Variants in SETD2 observed in about 807,000 individuals in gnomAD.
SETD2 encodes the protein histone-lysine N-methyltransferase SETD2.
Under a neutral mutation model 242.1 loss-of-function variants are expected in SETD2, and 31 were observed. The ratio of observed to expected loss-of-function variants is 0.13; its 90% confidence interval spans 0.10 to 0.17. SETD2 has a LOEUF of 0.17. Ranked by LOEUF, SETD2 falls within the 10% of genes least tolerant of loss-of-function variation. The pLI is 1.00. For missense variants in SETD2, 2,481 were observed against 3,046.3 expected (o/e 0.81, Z 4.37); for synonymous variants, 1,006 against 1,066.5 (o/e 0.94, Z 1.11).
rs563966793 is a variant in SETD2, at chr3:47,140,925, T to C, written c.72-14262A>G. On this transcript the variant is annotated intron_variant, in intron 1 of 20. Coordinates refer to ENST00000409792, the MANE Select transcript of SETD2 (RefSeq NM_014159.7). ...ATCGAATACGAAGAAAGACATGAGA[T>C]AGGTTTCTGAGGGAGATGGCTTGTT... 6.6e-5 allele frequency among the ~76,000 whole-genome samples: 10 copies of C among 152,070 alleles called. No individual in the cohort carries two copies. The East Asian group carries it at 1.9e-3, about 29-fold the overall frequency.
chr3:47,125,944 C>T (rs1256050515), intron 2 of SETD2, among the ~76,000 whole-genome samples: 1 of 152,216 alleles, frequency 6.6e-6, no homozygotes, highest in African/African-American at 2.4e-5. Context: ...ACAGTAAAAT[C>T]TGAAATCAGT....
chr3:47,123,473 C>T lies in SETD2; in HGVS notation c.1163G>A (p.Arg388Gln), dbSNP rs1450528900. ...FSYSKLERDT[R>Q]YVSSRCRSER... ...TGATCTACATCGGGAAGATACATAC[C>T]GAGTATCTCTTTCAAGTTTTGAATA... is the stretch of plus-strand genomic sequence containing the variant. Residue 388 changes from arginine to glutamine, a missense_variant, in exon 3 of 21, where the codon CGG becomes CAG. Arg to Gln is a conservative substitution (Grantham distance 43, BLOSUM62 1). Coordinates refer to ENST00000409792, the MANE Select transcript of SETD2 (RefSeq NM_014159.7). The T allele has an allele frequency of 6.4e-7, 1 of 1,551,080 alleles. No individual in the cohort carries two copies. Among genetic ancestry groups the T allele is most frequent in the East Asian group, 2.4e-5 (1 of 40,918 alleles).
chr3:47,152,271 A>T (rs1418653044), intron 1 of SETD2, among the ~76,000 whole-genome samples: 2 of 152,122 alleles, frequency 1.3e-5, no homozygotes, highest in Non-Finnish European at 2.9e-5. Flanking sequence ...TCTTAACTAC[A>T]TTTTCAGCAC....
At chr3:47,046,238 G>A (rs753907133) in intron 16 of SETD2, among the ~76,000 whole-genome samples, 12 of 151,732 alleles carry the variant, frequency 7.9e-5, no homozygotes, top group Non-Finnish European at 1.5e-4. Context: ...TCAGGTGGCT[G>A]AGGCAGGAGA....
At chr3:47,159,632 T>A (rs1304247901) in intron 1 of SETD2, among the ~76,000 whole-genome samples, 1 of 152,226 alleles carries the variant, frequency 6.6e-6, no homozygotes, top group Non-Finnish European at 1.5e-5. Context: ...GTCACTCTTC[T>A]GTTCAAAACT....
intron 18 of SETD2, among the ~76,000 whole-genome samples, chr3:47,035,438 G>A (rs2038955346): frequency 6.6e-6 from 1 of 152,184 alleles, no homozygotes; most frequent in Non-Finnish European, 1.5e-5. Context: ...TAATTGTGTA[G>A]CATGGCACAT....
chr3:47,104,906 T>C (rs2042350355), intron 6 of SETD2, among the ~76,000 whole-genome samples: 1 of 152,146 alleles, frequency 6.6e-6, no homozygotes, highest in African/African-American at 2.4e-5. Context: ...CAGCTGTAAC[T>C]AGATGCATGC....
At chr3:47,027,386 G>GAAC in intron 18 of SETD2, among the ~76,000 whole-genome samples, 1 of 150,652 alleles carries the variant, frequency 6.6e-6, no homozygotes, top group South Asian at 2.1e-4. Flanking sequence ...ACAGGAAGGG[G>GAAC]AACATCACAC....
In SETD2 at chr3:47,121,302, A is replaced by G. The variant is rs1487228978; in HGVS notation, c.3334T>C (p.Leu1112=). 7 of 1,612,764 alleles carry G rather than the reference A, an allele frequency of 4.3e-6. No individual in the cohort carries two copies. The South Asian group carries it at 7.7e-5, about 18-fold the overall frequency. Residue 1112 remains leucine (L), a synonymous_variant, in exon 3 of 21, where the codon TTG becomes CTG. Coordinates refer to ENST00000409792, the MANE Select transcript of SETD2 (RefSeq NM_014159.7). ...EDERLESRRH[L]YEEKFESIAS... ...ATACTTTCAAATTTTTCCTCATACAAATGTCTCCTTGACTCCAATCTCTCA... is the reference window on the plus strand; with the variant it reads ...ATACTTTCAAATTTTTCCTCATACAGATGTCTCCTTGACTCCAATCTCTCA...
At chr3:47,028,758 A>T (rs1362617965) in intron 18 of SETD2, 1 of 152,360 alleles carries the variant, frequency 6.6e-6, no homozygotes, top group Non-Finnish European at 1.5e-5. Flanking sequence ...CTACTGGGCC[A>T]AAGGGACAGA....
At chr3:47,051,506 C>A (rs2039843543) in intron 15 of SETD2, among the ~76,000 whole-genome samples, 2 of 152,264 alleles carry the variant, frequency 1.3e-5, no homozygotes, top group Non-Finnish European at 2.9e-5. Flanking sequence ...TCTAACTGCT[C>A]CAGTGGATTT....
chr3:47,043,917 T>C (rs1439081786), intron 16 of SETD2, among the ~76,000 whole-genome samples: 1 of 152,182 alleles, frequency 6.6e-6, no homozygotes, highest in Non-Finnish European at 1.5e-5. Context: ...TTCCAAACCA[T>C]TCAGTACTTA....
intron 12 of SETD2, among the ~76,000 whole-genome samples, chr3:47,071,780 C>CCTA (rs1306486873): frequency 6.6e-6 from 1 of 152,048 alleles, no homozygotes; most frequent in African/African-American, 2.4e-5. Flanking sequence ...GAACAAGTTA[C>CCTA]CTACTACTAC....
chr3:47,062,936 C>T (rs2040401670), intron 13 of SETD2, among the ~76,000 whole-genome samples: 1 of 151,580 alleles, frequency 6.6e-6, no homozygotes, highest in Non-Finnish European at 1.5e-5. Context: ...GAAGCAAGAC[C>T]CCATCTCTTA....
rs764219907 is a variant in SETD2, at chr3:47,122,607, G to A, written c.2029C>T (p.Pro677Ser). The part of the protein sequence containing the change: ...CPIELNINGS[P>S]GAESDLATFC... ...GTTGCCAAATCAGATTCTGCCCCAG[G>A]AGATCCATTTATATTTAATTCTATG... Residue 677 changes from proline to serine, a missense_variant, in exon 3 of 21, where the codon CCT (proline) becomes TCT (serine). Transcript: ENST00000409792. 10 of 1,613,976 alleles carry A rather than the reference G, an allele frequency of 6.2e-6. No homozygotes were observed. Among genetic ancestry groups the A allele is most frequent in the Non-Finnish European group, 8.5e-6 (10 of 1,179,962 alleles).
In SETD2 at chr3:47,084,182, T is replaced by C. The variant is rs763690645; in HGVS notation, c.5598A>G (p.Thr1866=). ...TCTTGGGAGTGTCTGTGTCAGCTTC[T>C]GTGCTCAGCTTGGTGGAAGGATCAG... ...NTPDPSTKLS[T]EADTDTPKKL... is the part of the protein sequence containing the mutation. The change falls in exon 12 of 21, where the codon ACA becomes ACG. Residue 1866 remains threonine (T), a synonymous_variant. Coordinates refer to ENST00000409792, the MANE Select transcript of SETD2 (RefSeq NM_014159.7). 1.9e-6 allele frequency: 3 copies of C among 1,614,182 alleles called. No individual in the cohort carries two copies. Among genetic ancestry groups the C allele is most frequent in the South Asian group, 1.1e-5 (1 of 91,090 alleles).
chr3:47,088,333 C>A, intron 9 of SETD2, 86 bp from the exon 10 acceptor site: 1 of 1,365,592 alleles, frequency 7.3e-7, no homozygotes, highest in South Asian at 1.4e-5. Flanking sequence ...TCAACCTTAT[C>A]AATTATCAGG....
chr3:47,109,173 C>T (rs919231270), intron 5 of SETD2, among the ~76,000 whole-genome samples: 3 of 152,094 alleles, frequency 2.0e-5, no homozygotes, highest in African/African-American at 7.2e-5. Flanking sequence ...AGGGTAACGT[C>T]TGCAACTCCC....
At chr3:47,084,482 T>C (rs1236467624) in intron 11 of SETD2, 100 bp from the exon 12 acceptor site, 13 of 789,626 alleles carry the variant, frequency 1.6e-5, no homozygotes, top group Non-Finnish European at 2.6e-5. Context: ...TGGAATGCAA[T>C]GGCATGATCT....
Sources: gnomAD v4.1 joint callset for allele counts (sites outside exome capture counted in the v4.1 genomes callset) on GRCh38, gnomAD v4.1.1 for gene constraint, MANE v1.5 for transcripts, NCBI Gene and HGNC (gene_info 2026-07-23, HGNC 2026-07-21) for gene names.